The following TMEM116 variants were observed in gnomAD, a reference collection of about 807,000 sequenced individuals.
TMEM116 encodes the protein transmembrane protein 116.
Under a neutral mutation model 44.3 loss-of-function variants are expected in TMEM116, and 38 were observed. The ratio of observed to expected loss-of-function variants is 0.86; its 90% CI spans 0.66 to 1.12. The LOEUF (loss-of-function observed/expected upper bound fraction) is 1.12, where lower values mean the gene tolerates loss of function less well. Among genes scored for constraint, TMEM116 ranks in the 50% most tolerant of loss-of-function variants. TMEM116 has a pLI of 0.00. For synonymous variants in TMEM116, 132 were observed against 144.8 expected, an observed-to-expected ratio of 0.91 and a Z score of 0.64; for missense variants, 354 against 401.7, an observed-to-expected ratio of 0.88 and a Z score of 1.01.
chr12:111,977,613 TA>T (rs2075740128), intron 4 of TMEM116, among the ~76,000 whole-genome samples: 1 of 151,696 alleles, frequency 6.6e-6, no homozygotes, highest in Non-Finnish European at 1.5e-5. Flanking sequence ...CGGATCTACA[TA>T]AAGAAAAAAA....
intron 4 of TMEM116, among the ~76,000 whole-genome samples, chr12:111,976,093 C>A (rs1211534929): frequency 6.6e-6 from 1 of 151,588 alleles, no homozygotes; most frequent in Non-Finnish European, 1.5e-5. Context: ...ACTGCAACCT[C>A]CGCCTCCTGG....
chr12:111,978,681 A>G, intron 4 of TMEM116: 1 of 364,400 alleles, frequency 2.7e-6, no homozygotes, highest in Non-Finnish European at 5.5e-6. Flanking sequence ...TGTCTCCACT[A>G]TGTTTGGATA....
At chr12:112,002,090 G>A (rs1278085884) in intron 3 of TMEM116, among the ~76,000 whole-genome samples, 1 of 152,186 alleles carries the variant, frequency 6.6e-6, no homozygotes, top group Non-Finnish European at 1.5e-5. Context: ...AAAGCACTGA[G>A]CAAATCTATC....
intron 4 of TMEM116, among the ~76,000 whole-genome samples, chr12:111,971,910 C>T (rs142767578): frequency 7.2e-5 from 11 of 151,784 alleles, no homozygotes; most frequent in Non-Finnish European, 1.0e-4. Flanking sequence ...AACCCCATCT[C>T]TACAAAAAAA....
At chr12:111,936,943 A>T in intron 7 of TMEM116, 113 bp from the exon 8 acceptor site, 1 of 1,234,204 alleles carries the variant, frequency 8.1e-7, no homozygotes. Context: ...TCTTGCTCAT[A>T]AAACCTTGTC....
At chr12:111,987,524 A>AG (rs1400686546) in intron 4 of TMEM116, among the ~76,000 whole-genome samples, 13 of 150,854 alleles carry the variant, frequency 8.6e-5, no homozygotes, top group African/African-American at 2.7e-4. Context: ...AAAAAAAAAA[A>AG]GGGGGAAAGG....
chr12:111,981,052 G>A (rs566009084), intron 4 of TMEM116, among the ~76,000 whole-genome samples: 122 of 146,404 alleles, frequency 8.3e-4, no homozygotes, highest in African/African-American at 3.1e-3. Flanking sequence ...GTAACAGAGC[G>A]AGACACTGTC....
chr12:111,953,206 C>T (rs1467486375), intron 4 of TMEM116, among the ~76,000 whole-genome samples: 2 of 152,166 alleles, frequency 1.3e-5, no homozygotes, highest in African/African-American at 4.8e-5. Flanking sequence ...CCACTCCCTC[C>T]AAACTTCCCT....
At chr12:112,004,613 T>C (rs1281373465) in intron 2 of TMEM116, among the ~76,000 whole-genome samples, 1 of 152,044 alleles carries the variant, frequency 6.6e-6, no homozygotes, top group Non-Finnish European at 1.5e-5. Context: ...TATAGAATGC[T>C]TCACAAATTT....
At chr12:111,968,010 C>G (rs2075079384) in intron 4 of TMEM116, among the ~76,000 whole-genome samples, 1 of 152,060 alleles carries the variant, frequency 6.6e-6, no homozygotes, top group East Asian at 1.9e-4. Context: ...GGAGACAGAA[C>G]TGAGAGTCCA....
intron 6 of TMEM116, among the ~76,000 whole-genome samples, 199 bp from the exon 7 acceptor site, chr12:111,937,442 T>C (rs1182045302): frequency 6.6e-6 from 1 of 152,142 alleles, no homozygotes; most frequent in Admixed American, 6.5e-5. Flanking sequence ...TACAATGCAG[T>C]AGGGAATTAA....
intron 2 of TMEM116, 149 bp from the exon 3 acceptor site, chr12:112,004,012 G>C (rs1182839735): frequency 8.5e-7 from 1 of 1,174,352 alleles, no homozygotes; most frequent in Admixed American, 3.9e-5. Context: ...ACAGGGTCTT[G>C]CTATGTCAGC....
chr12:111,987,600 A>G (rs115080607), intron 4 of TMEM116, among the ~76,000 whole-genome samples: 97 of 152,278 alleles, frequency 6.4e-4, no homozygotes, highest in African/African-American at 2.3e-3. Flanking sequence ...GCTGCCCAAC[A>G]TTACTAATGA....
At chr12:111,987,280 G>A (rs568198029) in intron 4 of TMEM116, among the ~76,000 whole-genome samples, 3 of 152,046 alleles carry the variant, frequency 2.0e-5, no homozygotes, top group Admixed American at 1.3e-4. Flanking sequence ...TGAGGCAGGC[G>A]GATTGCTTGA....
chr12:111,991,703 C>G, intron 4 of TMEM116, 55 bp downstream of exon 4: 2 of 1,506,814 alleles, frequency 1.3e-6, no homozygotes, highest in Non-Finnish European at 1.8e-6. Flanking sequence ...TTGTTTCTAT[C>G]TAGATCTGAG....
At chr12:111,988,796 C>T (rs987777383) in intron 4 of TMEM116, among the ~76,000 whole-genome samples, 5 of 152,120 alleles carry the variant, frequency 3.3e-5, no homozygotes, top group Non-Finnish European at 1.5e-5. Flanking sequence ...TCAAGACCAG[C>T]CTGGCCAACA....
At chr12:111,962,067 T>C (rs2074629602) in intron 4 of TMEM116, among the ~76,000 whole-genome samples, 1 of 152,126 alleles carries the variant, frequency 6.6e-6, no homozygotes, top group Non-Finnish European at 1.5e-5. Context: ...CCATTCACAA[T>C]TGCTACAAAA....
rs1364097479 is a variant in TMEM116 at position 112,013,142 on chromosome 12, C to G, written c.-174G>C. On this transcript the variant is annotated 5_prime_UTR_variant, in exon 1 of 11. Transcript: ENST00000552374. ...TCCCCATGCGCACTTGGCGCTTCTC[C>G]TCAAGCGGAGCAGGAACGGAACTGG... The G allele has an allele frequency of 6.2e-6, 2 of 322,914 alleles. No individual in the cohort carries two copies. Among genetic ancestry groups the G allele is most frequent in the Non-Finnish European group, 1.1e-5 (2 of 175,012 alleles). 20.0% of individuals were successfully genotyped at this position (322,914 alleles called of 1,614,324 possible). A position where few individuals can be genotyped will look rare whatever the true frequency, so the allele number is the denominator to read the frequency against.
intron 4 of TMEM116, among the ~76,000 whole-genome samples, chr12:111,983,037 C>A (rs1465261604): frequency 6.6e-6 from 1 of 151,930 alleles, no homozygotes; most frequent in African/African-American, 2.4e-5. Flanking sequence ...TGTAATCCCA[C>A]TTTGGGATTA....
Sources: gnomAD v4.1 joint callset for allele counts (sites outside exome capture counted in the v4.1 genomes callset) on GRCh38, gnomAD v4.1.1 for gene constraint, MANE v1.5 for transcripts, NCBI Gene and HGNC (gene_info 2026-07-23, HGNC 2026-07-21) for gene names.